The following GYPC variants were observed in gnomAD, a reference collection of about 807,000 sequenced individuals.
GYPC encodes glycophorin-C.
A neutral mutation model predicts 12.6 loss-of-function variants in GYPC; 14 were observed. The observed-to-expected ratio is 1.11, with a 90% CI of 0.74 to 1.74. GYPC has a LOEUF of 1.74. GYPC is among the 40% of genes most tolerant of loss of function. GYPC has a pLI of 0.00. For missense variants in GYPC, 225 were observed against 172.1 expected, an observed-to-expected ratio of 1.31 and a Z score of -1.72; for synonymous variants, 78 against 62.1, an observed-to-expected ratio of 1.26 and a Z score of -1.20.
At chr2:126,680,878 C>G (rs958464686) in intron 1 of GYPC, among the ~76,000 whole-genome samples, 1 of 152,192 alleles carries the variant, frequency 6.6e-6, no homozygotes, top group Admixed American at 6.5e-5. Context: ...TACTATCCAA[C>G]AACAGCCTGA....
chr2:126,694,491 A>C (rs1683583532), intron 3 of GYPC, among the ~76,000 whole-genome samples: 1 of 152,056 alleles, frequency 6.6e-6, no homozygotes, highest in African/African-American at 2.4e-5. Flanking sequence ...TGAGATCCAC[A>C]CTTCTCAGCA....
At chr2:126,661,413 C>G (rs1682532168) in intron 1 of GYPC, among the ~76,000 whole-genome samples, 2 of 152,092 alleles carry the variant, frequency 1.3e-5, no homozygotes, top group Admixed American at 1.3e-4. Flanking sequence ...TCTCCTGCTT[C>G]TGCTTATGCA....
intron 1 of GYPC, among the ~76,000 whole-genome samples, chr2:126,684,512 A>C (rs572169661): frequency 4.2e-4 from 64 of 151,950 alleles, no homozygotes; most frequent in African/African-American, 1.5e-3. Context: ...TTGCCCACCC[A>C]CTATCTCAGA....
At chr2:126,678,941 C>T (rs949215553) in intron 1 of GYPC, 1 of 152,266 alleles carries the variant, frequency 6.6e-6, no homozygotes, top group Non-Finnish European at 1.5e-5. Flanking sequence ...AGGAGAAAAA[C>T]ACTTTCCACA....
chr2:126,669,666 A>G (rs551630096), intron 1 of GYPC, among the ~76,000 whole-genome samples: 2 of 152,194 alleles, frequency 1.3e-5, no homozygotes, highest in Non-Finnish European at 2.9e-5. Flanking sequence ...CTTGTCACTC[A>G]CTGAGAAAAC....
At position 126,673,433 on chromosome 2, in the gene GYPC, G is replaced by A. The variant is rs554947765; in HGVS notation, c.50-16822G>A. ...GGTGATCACGTTCACTGAGCCCTCCGTGTGCCAGTCGAGCTGCCAGTGTGC... is the reference window on the plus strand; with the variant it reads ...GGTGATCACGTTCACTGAGCCCTCCATGTGCCAGTCGAGCTGCCAGTGTGC... On this transcript the variant is annotated intron_variant, in intron 1 of 3. Transcript: ENST00000259254. 5.3e-5 allele frequency among the ~76,000 whole-genome samples: 8 copies of A among 152,272 alleles called. No individual in the cohort carries two copies. The East Asian group carries it at 9.7e-4, about 18-fold the overall frequency.
chr2:126,685,760 C>T (rs1683271383), intron 1 of GYPC: 1 of 983,986 alleles, frequency 1.0e-6, no homozygotes, highest in African/African-American at 1.7e-5. Context: ...AGCACCTGGC[C>T]AACTGTCAAG....
In GYPC at chr2:126,696,049, C is replaced by A. The variant is rs749038724; in HGVS notation, c.294C>A (p.Gly98=). The change falls in exon 4 of 4, where the codon GGC becomes GGA. Residue 98 remains glycine, a synonymous_variant. Coordinates refer to ENST00000259254, the MANE Select transcript of GYPC (RefSeq NM_002101.5). ...KGTYHTNEAK[G]TEFAESADAA... ...CGTACCACACCAATGAGGCCAAGGGCACGGAGTTTGCTGAGAGTGCAGATG... is the reference window on the plus strand; with the variant it reads ...CGTACCACACCAATGAGGCCAAGGGAACGGAGTTTGCTGAGAGTGCAGATG... The A allele has an allele frequency of 6.2e-7, 1 of 1,614,120 alleles. No individual in the cohort carries two copies. The highest frequency in any genetic ancestry group is 1.1e-5 in the South Asian group (1 of 91,090).
At position 126,656,217 on chromosome 2, in the gene GYPC, C is replaced by T. The variant is rs754154893; in HGVS notation, c.-47C>T. On this transcript the variant is annotated 5_prime_UTR_variant, in exon 1 of 4. Transcript: ENST00000259254. ...CGACCCTCCCCCGGCCCGGCCTGGC[C>T]CGGCCTGGCCAGTCCCCGCGGTCTC... The T allele has an allele frequency of 1.3e-6, 2 of 1,571,068 alleles. No homozygotes were observed. Among genetic ancestry groups the T allele is most frequent in the African/African-American group, 1.4e-5 (1 of 73,508 alleles).
intron 1 of GYPC, among the ~76,000 whole-genome samples, chr2:126,683,089 G>A (rs755977485): frequency 3.3e-5 from 5 of 152,180 alleles, no homozygotes; most frequent in Admixed American, 1.3e-4. Context: ...AGGCCAAGGC[G>A]GGCGGATCAT....
intron 2 of GYPC, 116 bp from the exon 3 acceptor site, chr2:126,693,748 T>C: frequency 1.3e-6 from 1 of 786,534 alleles, no homozygotes; most frequent in South Asian, 1.4e-5. Flanking sequence ...TCCTTTCCAC[T>C]TGGACCCATT....
intron 1 of GYPC, chr2:126,686,471 G>C (rs1468574902): frequency 3.7e-5 from 36 of 985,410 alleles, no homozygotes; most frequent in Non-Finnish European, 4.3e-5. Context: ...TGGATGAAAA[G>C]CCACTCCCAA....
chr2:126,669,326 A>G (rs1032716206), intron 1 of GYPC, among the ~76,000 whole-genome samples: 8 of 152,132 alleles, frequency 5.3e-5, no homozygotes, highest in African/African-American at 1.9e-4. Flanking sequence ...GCTCCAGGCC[A>G]TGCCCCCTCC....
intron 1 of GYPC, among the ~76,000 whole-genome samples, chr2:126,673,104 T>C (rs1240797562): frequency 6.6e-6 from 1 of 151,978 alleles, no homozygotes; most frequent in East Asian, 1.9e-4. Flanking sequence ...ATCTGCTTGA[T>C]GTGATGAACG....
chr2:126,691,131 G>A (rs1413025584), intron 2 of GYPC, among the ~76,000 whole-genome samples: 3 of 152,134 alleles, frequency 2.0e-5, no homozygotes, highest in Non-Finnish European at 4.4e-5. Context: ...GTTCTATAAA[G>A]GTGGGACTTG....
intron 1 of GYPC, among the ~76,000 whole-genome samples, chr2:126,677,200 T>A (rs939472766): frequency 6.6e-6 from 1 of 152,028 alleles, no homozygotes; most frequent in African/African-American, 2.4e-5. Context: ...AGAGTGTGTG[T>A]GTGCATGTGT....
intron 1 of GYPC, among the ~76,000 whole-genome samples, chr2:126,677,573 G>A (rs1683040592): frequency 6.6e-6 from 1 of 151,710 alleles, no homozygotes; most frequent in Admixed American, 6.6e-5. Context: ...GTGTATGTGT[G>A]TGAGTGTGTG....
At chr2:126,672,809 C>T (rs1193297451) in intron 1 of GYPC, among the ~76,000 whole-genome samples, 1 of 152,078 alleles carries the variant, frequency 6.6e-6, no homozygotes, top group Admixed American at 6.6e-5. Context: ...GGGAGGAAGG[C>T]CAGGAACCAC....
chr2:126,681,463 C>T (rs1683147907), intron 1 of GYPC, among the ~76,000 whole-genome samples: 2 of 152,066 alleles, frequency 1.3e-5, no homozygotes, highest in South Asian at 2.1e-4. Context: ...GACTTTTGTT[C>T]CTGTTCCAGA....
Sources: gnomAD v4.1 joint callset for allele counts (sites outside exome capture counted in the v4.1 genomes callset) on GRCh38, gnomAD v4.1.1 for gene constraint, MANE v1.5 for transcripts, NCBI Gene and HGNC (gene_info 2026-07-23, HGNC 2026-07-21) for gene names.